CTNNA3: variants seen among roughly 807,000 people sequenced by gnomAD.
CTNNA3 encodes the protein catenin alpha-3.
Under a neutral mutation model 95.7 loss-of-function variants are expected in CTNNA3, and 76 were observed. The ratio of observed to expected loss-of-function variants is 0.79; its 90% CI spans 0.66 to 0.96. The LOEUF (loss-of-function observed/expected upper bound fraction) is 0.96. Ranked by LOEUF, CTNNA3 falls within the 40% of genes least tolerant of loss-of-function variation. The pLI is 0.00. For synonymous variants in CTNNA3, 431 were observed against 374.4 expected (o/e 1.15, Z -1.74); for missense variants, 1,191 against 1,089.8 (o/e 1.09, Z -1.31).
chr10:66,060,284 A>G (rs1181150209), intron 15 of CTNNA3, among the ~76,000 whole-genome samples: 1 of 152,046 alleles, frequency 6.6e-6, no homozygotes, highest in Non-Finnish European at 1.5e-5. Flanking sequence ...AATTTATGAA[A>G]AAAATAATAT....
intron 7 of CTNNA3, among the ~76,000 whole-genome samples, chr10:67,037,566 G>T (rs187992975): frequency 6.6e-6 from 1 of 152,182 alleles, no homozygotes; most frequent in East Asian, 1.9e-4. Flanking sequence ...GAAGAGATTT[G>T]AATGAAGTAT....
chr10:66,153,916 T>A (rs1286152684), intron 13 of CTNNA3, among the ~76,000 whole-genome samples: 2 of 151,634 alleles, frequency 1.3e-5, no homozygotes, highest in East Asian at 3.9e-4. Flanking sequence ...ATAAGTTTTT[T>A]TGTTTATAGT....
In CTNNA3 at chr10:66,497,337, T is replaced by G. The variant is rs185630178; in HGVS notation, c.1531+23280A>C. ...AGTAGTTGCAGTTTTTGTCATCACT[T>G]TGATGACAAAAACTGCAATTAAATT... On this transcript the variant is annotated intron_variant, in intron 11 of 17. Coordinates refer to ENST00000433211, the MANE Select transcript of CTNNA3 (RefSeq NM_013266.4). Among the ~76,000 whole-genome samples, 754 of 151,742 alleles carry G rather than the reference T, an allele frequency of 5.0e-3. 8 individuals are homozygous for G. Among genetic ancestry groups the G allele is most frequent in the African/African-American group, 0.017 (701 of 41,492 alleles).
chr10:66,484,563 A>G (rs1053648754), intron 11 of CTNNA3, among the ~76,000 whole-genome samples: 5 of 152,092 alleles, frequency 3.3e-5, no homozygotes, highest in Non-Finnish European at 7.4e-5. Flanking sequence ...AAGATATGCA[A>G]TCAGAAAACA....
At position 67,151,029 on chromosome 10, in the gene CTNNA3, A is replaced by G. The variant is rs192363322; in HGVS notation, c.1047+29288T>C. Among the ~76,000 whole-genome samples the G allele has an allele frequency of 2.9e-4, 44 of 152,320 alleles. No homozygotes were observed. In the East Asian group the frequency reaches 7.9e-3, roughly 27 times the overall value. On this transcript the variant is annotated intron_variant, in intron 7 of 17. Transcript: ENST00000433211. Reference sequence around the variant, plus strand: ...GTAGATAATGGAATTTTTTCCCATGATGCACAGATGGCTAATTCCCAAGGC... The same window carrying G: ...GTAGATAATGGAATTTTTTCCCATGGTGCACAGATGGCTAATTCCCAAGGC...
intron 5 of CTNNA3, among the ~76,000 whole-genome samples, chr10:67,369,550 A>G (rs1353888315): frequency 6.6e-6 from 1 of 152,192 alleles, no homozygotes; most frequent in Non-Finnish European, 1.5e-5. Flanking sequence ...CCATAAGCAA[A>G]TTCAAAAGAC....
intron 5 of CTNNA3, among the ~76,000 whole-genome samples, chr10:67,328,693 C>T (rs761601612): frequency 3.4e-4 from 52 of 152,326 alleles, no homozygotes; most frequent in Non-Finnish European, 5.9e-4. Flanking sequence ...TCTCACCCTT[C>T]AGCCCAGCTT....
At chr10:65,922,646 T>A (rs940913777) in intron 17 of CTNNA3, among the ~76,000 whole-genome samples, 1 of 152,010 alleles carries the variant, frequency 6.6e-6, no homozygotes, top group East Asian at 1.9e-4. Context: ...TTAACCAAAC[T>A]TTTTTTTCTT....
chr10:67,389,821 A>G (rs201038776), intron 5 of CTNNA3, among the ~76,000 whole-genome samples: 6 of 152,110 alleles, frequency 3.9e-5, no homozygotes, highest in Non-Finnish European at 7.4e-5. Flanking sequence ...TGGGTACATA[A>G]GAAATGAAGG....
intron 7 of CTNNA3, among the ~76,000 whole-genome samples, chr10:66,804,013 C>T (rs75085362): frequency 0.035 from 5,157 of 146,656 alleles, 114 homozygotes; most frequent in Non-Finnish European, 0.054. Context: ...TTTTGGTTTT[C>T]ATCTGTTGCC....
At chr10:66,619,114 G>T (rs1844644396) in intron 10 of CTNNA3, among the ~76,000 whole-genome samples, 1 of 151,578 alleles carries the variant, frequency 6.6e-6, no homozygotes, top group Non-Finnish European at 1.5e-5. Flanking sequence ...CTGTTGGTGG[G>T]ACTGTAAACT....
At chr10:67,166,680 C>T (rs928355534) in intron 7 of CTNNA3, among the ~76,000 whole-genome samples, 1 of 152,166 alleles carries the variant, frequency 6.6e-6, no homozygotes. Flanking sequence ...TAGGCTATTC[C>T]CTACATTTGT....
At chr10:66,852,464 C>A (rs1250370625) in intron 7 of CTNNA3, among the ~76,000 whole-genome samples, 10 of 151,970 alleles carry the variant, frequency 6.6e-5, no homozygotes, top group Non-Finnish European at 1.0e-4. Flanking sequence ...AACATAAATG[C>A]CAAGAACTAG....
At chr10:66,880,792 C>T (rs560932687) in intron 7 of CTNNA3, among the ~76,000 whole-genome samples, 13 of 152,086 alleles carry the variant, frequency 8.5e-5, no homozygotes, top group South Asian at 8.3e-4. Flanking sequence ...AAATGGCAGC[C>T]GTTTGCATAA....
chr10:66,128,886 G>A (rs1266551967), intron 13 of CTNNA3, among the ~76,000 whole-genome samples: 1 of 151,990 alleles, frequency 6.6e-6, no homozygotes, highest in Non-Finnish European at 1.5e-5. Flanking sequence ...GTGTGTGTGT[G>A]TGTTGTGGAG....
At chr10:67,388,046 C>A (rs1844269743) in intron 5 of CTNNA3, among the ~76,000 whole-genome samples, 1 of 151,610 alleles carries the variant, frequency 6.6e-6, no homozygotes, top group African/African-American at 2.4e-5. Context: ...AGCAACGGAA[C>A]AAAGCTGGAT....
intron 7 of CTNNA3, among the ~76,000 whole-genome samples, chr10:67,157,450 C>T (rs2132079945): frequency 6.6e-6 from 1 of 152,080 alleles, no homozygotes; most frequent in South Asian, 2.1e-4. Flanking sequence ...AAGCTACAAC[C>T]CCTTGAAATT....
At chr10:65,982,655 T>C (rs923170339) in intron 16 of CTNNA3, among the ~76,000 whole-genome samples, 3 of 150,620 alleles carry the variant, frequency 2.0e-5, no homozygotes. Flanking sequence ...CATATATATA[T>C]ATAAATGTGG....
At chr10:67,726,332 T>C (rs1841216081) in intron 1 of CTNNA3, among the ~76,000 whole-genome samples, 1 of 57,176 alleles carries the variant, frequency 1.7e-5, no homozygotes, top group African/African-American at 7.2e-5. Flanking sequence ...TTATCTTACA[T>C]ATTATATATA....
Sources: allele counts gnomAD v4.1 joint callset (sites outside exome capture counted in the v4.1 genomes callset), GRCh38; gene constraint gnomAD v4.1.1; transcripts MANE v1.5; gene names NCBI Gene and HGNC (gene_info 2026-07-23, HGNC 2026-07-21).